Variants in RBFOX1 observed in about 807,000 individuals in gnomAD.
RBFOX1 encodes RNA binding fox-1 homolog 1.
Under a neutral mutation model 57.7 loss-of-function variants are expected in RBFOX1, and 8 were observed. That is an observed-to-expected ratio of 0.14 (90% CI 0.08 to 0.25). The LOEUF (loss-of-function observed/expected upper bound fraction) is 0.25. RBFOX1 is among the 10% of genes least tolerant of loss of function. The probability of loss-of-function intolerance (pLI) is 1.00; values close to 1 mark genes in which losing one functional copy is unlikely to be tolerated. For missense variants in RBFOX1, 611 were observed against 548.5 expected (o/e 1.11, Z -1.14); for synonymous variants, 326 against 222.4 (o/e 1.47, Z -4.15).
chr16:5,516,548 C>G (rs1306685156), intron 2 of RBFOX1, among the ~76,000 whole-genome samples: 1 of 152,202 alleles, frequency 6.6e-6, no homozygotes, highest in Non-Finnish European at 1.5e-5. Context: ...TGTACATGAA[C>G]TACTTATTCA....
intron 2 of RBFOX1, among the ~76,000 whole-genome samples, chr16:6,336,556 G>C (rs2083785480): frequency 6.6e-6 from 1 of 152,100 alleles, no homozygotes; most frequent in South Asian, 2.1e-4. Flanking sequence ...ATAATCTAGA[G>C]AGGGCTGGAT....
In RBFOX1 at chr16:7,487,627, G is replaced by T. The variant is rs188463217; in HGVS notation, c.28-30520G>T. Among the ~76,000 whole-genome samples the T allele has an allele frequency of 9.7e-4, 148 of 152,224 alleles. 1 individual carries two copies. The highest frequency in any genetic ancestry group is 8.4e-3 in the Admixed American group (128 of 15,290). On this transcript the variant is annotated intron_variant, in intron 4 of 15. Transcript: ENST00000550418. ...CAGTAGACTATCCACTCCTGCACCT[G>T]TTCATATACATATAGAAACACGCAC...
intron 2 of RBFOX1, among the ~76,000 whole-genome samples, chr16:6,346,838 A>G (rs1025380030): frequency 3.9e-5 from 6 of 152,096 alleles, no homozygotes; most frequent in Non-Finnish European, 8.8e-5. Context: ...TATTACCAGA[A>G]TAACCTCTTG....
At position 5,946,058 on chromosome 16, in the gene RBFOX1, A is replaced by AG. The variant is rs2059394112; in HGVS notation, c.351+78728dup. Among the ~76,000 whole-genome samples the AG allele has an allele frequency of 6.6e-6, 1 of 152,184 alleles. No homozygotes were observed. Among genetic ancestry groups the AG allele is most frequent in the Admixed American group, 6.5e-5 (1 of 15,272 alleles). ...GTCTGCTTTGTTTGCTAGTAAAGTGAGGGGGAGACAGGGTTTTAATTAGTG... is the reference window on the plus strand; with the variant it reads ...GTCTGCTTTGTTTGCTAGTAAAGTGAGGGGGGAGACAGGGTTTTAATTAGTG... On this transcript the variant is annotated intron_variant, in intron 4 of 19. Coordinates refer to the RBFOX1 transcript ENST00000641259. This position sits in a 1 kb window ranked among gnomAD's most constrained non-coding sequence, Gnocchi z 4.6.
chr16:6,567,460 C>G (rs978630254), intron 2 of RBFOX1, among the ~76,000 whole-genome samples: 4 of 152,176 alleles, frequency 2.6e-5, no homozygotes, highest in Admixed American at 2.6e-4. Flanking sequence ...TCAAATATCT[C>G]TCATGAGAGA....
intron 3 of RBFOX1, chr16:5,611,505 G>C (rs2151247183): frequency 6.6e-6 from 1 of 152,234 alleles, no homozygotes; most frequent in South Asian, 2.1e-4. Flanking sequence ...TCCTACACTG[G>C]CTTTTCTCTT....
chr16:5,569,920 C>T (rs1485417593), intron 2 of RBFOX1, among the ~76,000 whole-genome samples: 1 of 152,180 alleles, frequency 6.6e-6, no homozygotes, highest in African/African-American at 2.4e-5. Context: ...TAATGTCAGT[C>T]ATATTGCAGA....
chr16:6,370,844 T>C (rs554476918), intron 2 of RBFOX1, among the ~76,000 whole-genome samples: 1 of 152,336 alleles, frequency 6.6e-6, no homozygotes, highest in African/African-American at 2.4e-5. Context: ...TTATGTAATG[T>C]ATATTTTGCT....
At chr16:6,096,005 G>C (rs2096241433) in intron 1 of RBFOX1, among the ~76,000 whole-genome samples, 1 of 152,220 alleles carries the variant, frequency 6.6e-6, no homozygotes, top group African/African-American at 2.4e-5. Context: ...CTGCCCCAAA[G>C]GTGGCCCTTT....
At chr16:5,414,702 A>G (rs932396974) in intron 1 of RBFOX1, among the ~76,000 whole-genome samples, 10 of 152,146 alleles carry the variant, frequency 6.6e-5, no homozygotes, top group Admixed American at 2.6e-4. Flanking sequence ...GAAATTCAAA[A>G]TGACCTCTGG....
chr16:6,902,571 A>G (rs1297895990), intron 3 of RBFOX1, among the ~76,000 whole-genome samples: 1 of 152,038 alleles, frequency 6.6e-6, no homozygotes, highest in Non-Finnish European at 1.5e-5. Context: ...AAAATACAAA[A>G]ATTGGCCAAG....
chr16:6,289,888 G>A (rs1010775975), intron 1 of RBFOX1, among the ~76,000 whole-genome samples: 1 of 152,176 alleles, frequency 6.6e-6, no homozygotes, highest in Admixed American at 6.5e-5. Context: ...ATGAAGCAGT[G>A]TAGAAAGAGG....
intron 3 of RBFOX1, among the ~76,000 whole-genome samples, chr16:6,891,854 A>G (rs1160596190): frequency 6.6e-6 from 1 of 152,182 alleles, no homozygotes; most frequent in Non-Finnish European, 1.5e-5. Context: ...ATAGCTACTT[A>G]GTGGACAGCA....
chr16:5,859,406 C>G (rs1192423685), intron 3 of RBFOX1, among the ~76,000 whole-genome samples: 1 of 152,146 alleles, frequency 6.6e-6, no homozygotes, highest in Non-Finnish European at 1.5e-5. Flanking sequence ...CATAAAACAG[C>G]AAGAAAGATT....
intron 5 of RBFOX1, among the ~76,000 whole-genome samples, chr16:7,556,496 T>G (rs987653584): frequency 1.3e-5 from 2 of 152,246 alleles, no homozygotes; most frequent in Admixed American, 6.5e-5. Flanking sequence ...TTATAAGGTT[T>G]ATTTGTATAA....
At chr16:7,366,655 T>G (rs1162756441) in intron 4 of RBFOX1, among the ~76,000 whole-genome samples, 1 of 152,142 alleles carries the variant, frequency 6.6e-6, no homozygotes, top group African/African-American at 2.4e-5. Context: ...TCTTTTTTTT[T>G]TTTCCCACTT....
intron 3 of RBFOX1, among the ~76,000 whole-genome samples, chr16:6,680,974 T>A (rs535208084): frequency 1.3e-4 from 20 of 152,340 alleles, no homozygotes; most frequent in African/African-American, 4.8e-4. Context: ...TTAACATAGT[T>A]CGTAGAAAAC....
chr16:7,476,302 C>G (rs2062692735), intron 4 of RBFOX1, among the ~76,000 whole-genome samples: 1 of 152,200 alleles, frequency 6.6e-6, no homozygotes, highest in Non-Finnish European at 1.5e-5. Flanking sequence ...AATTCTTACC[C>G]TCACAATTAC....
At chr16:7,706,966 A>T (rs1006115786) in intron 14 of RBFOX1, among the ~76,000 whole-genome samples, 1 of 152,148 alleles carries the variant, frequency 6.6e-6, no homozygotes, top group Admixed American at 6.5e-5. Context: ...TCCTCCCAGA[A>T]AGAAGGATAA....
Sources: allele counts gnomAD v4.1 joint callset (sites outside exome capture counted in the v4.1 genomes callset), GRCh38; gene constraint gnomAD v4.1.1; non-coding constraint Gnocchi (gnomAD v3.1); transcripts MANE v1.5; gene names NCBI Gene and HGNC (gene_info 2026-07-23, HGNC 2026-07-21).